IL1RAPL2: variants seen among roughly 807,000 people sequenced by gnomAD.
IL1RAPL2 encodes X-linked interleukin-1 receptor accessory protein-like 2.
Under a neutral mutation model 44.1 loss-of-function variants are expected in IL1RAPL2, and 3 were observed. The ratio of observed to expected loss-of-function variants is 0.07; its 90% CI spans 0.03 to 0.18. IL1RAPL2 has a LOEUF of 0.18. Ranked by LOEUF, IL1RAPL2 falls within the 10% of genes least tolerant of loss-of-function variation. The probability of loss-of-function intolerance (pLI) is 1.00; values close to 1 mark genes in which losing one functional copy is unlikely to be tolerated. For missense variants in IL1RAPL2, 391 were observed against 496.4 expected (o/e 0.79, Z 2.02); for synonymous variants, 181 against 178.8 (o/e 1.01, Z -0.10).
chrX:105,399,584 C>A (rs1242981348), intron 5 of IL1RAPL2, among the ~76,000 whole-genome samples: 1 of 110,978 alleles, frequency 9.0e-6, no homozygotes, highest in African/African-American at 3.3e-5. Context: ...CAAAGTCTGG[C>A]ATATAATAAA....
intron 6 of IL1RAPL2, among the ~76,000 whole-genome samples, chrX:105,665,344 CGTGTGTGTGTGTGTGTGT>C (rs58453498): frequency 3.0e-5 from 3 of 98,538 alleles, no homozygotes; most frequent in Non-Finnish European, 6.2e-5. Flanking sequence ...TATGCGCGTG[CGTGTGTGTGTGTGTGTGT>C]GTGTGTGTGT....
Position 105,670,123 on chromosome X carries a change from ATATATATATATATATATATATAT to A in IL1RAPL2, c.773-47243_773-47221del, listed in dbSNP as rs1397481799. Among the ~76,000 whole-genome samples, 10 of 45,913 alleles carry A rather than the reference ATATATATATATATATATATATAT, an allele frequency of 2.2e-4. 1 individual carries two copies. Among genetic ancestry groups the A allele is most frequent in the South Asian group, 1.0e-3 (1 of 958 alleles). The allele number at this position is 45,913 out of a possible 115,157, so 39.9% of individuals were successfully genotyped here. On this transcript the variant is annotated intron_variant, in intron 6 of 10. Coordinates refer to ENST00000372582, the MANE Select transcript of IL1RAPL2 (RefSeq NM_017416.2). ...GTTTCCTGTATATATATATATATAT[ATATATATATATATATATATATAT>A]ATCTCCACCAGACCACACAGTCTTG... is the stretch of plus-strand genomic sequence containing the variant.
chrX:105,368,231 G>T (rs2035310726), intron 5 of IL1RAPL2, among the ~76,000 whole-genome samples: 1 of 110,845 alleles, frequency 9.0e-6, no homozygotes, highest in South Asian at 3.8e-4. Context: ...GGCTTCCTTG[G>T]TTTCTCTCTC....
chrX:105,088,862 C>G (rs909003608), intron 2 of IL1RAPL2, among the ~76,000 whole-genome samples: 2 of 111,422 alleles, frequency 1.8e-5, no homozygotes, highest in African/African-American at 6.5e-5. Context: ...TTGAGTAGCA[C>G]TAGATTAGCA....
At chrX:105,506,407 T>G (rs891001617) in intron 6 of IL1RAPL2, among the ~76,000 whole-genome samples, 1 of 111,271 alleles carries the variant, frequency 9.0e-6, no homozygotes, top group African/African-American at 3.3e-5. Context: ...TGCTGACCTT[T>G]GACAGAAGCA....
At chrX:104,792,158 G>A (rs1184741108) in intron 2 of IL1RAPL2, among the ~76,000 whole-genome samples, 1 of 110,849 alleles carries the variant, frequency 9.0e-6, no homozygotes, top group Non-Finnish European at 1.9e-5. Context: ...GAAAGAGGAA[G>A]GGACTAGCCT....
intron 1 of IL1RAPL2, among the ~76,000 whole-genome samples, chrX:104,619,021 T>C (rs1929333670): frequency 8.9e-6 from 1 of 111,911 alleles, no homozygotes; most frequent in Non-Finnish European, 1.9e-5. Context: ...GCTGCAAGTG[T>C]CACTGTCCAG....
chrX:105,083,472 A>C (rs1251313453), intron 2 of IL1RAPL2, among the ~76,000 whole-genome samples: 1 of 111,217 alleles, frequency 9.0e-6, no homozygotes, highest in South Asian at 3.9e-4. Context: ...ATAGTTGTCA[A>C]GTATCTACTT....
At chrX:105,120,004 G>A (rs1394488374) in intron 2 of IL1RAPL2, among the ~76,000 whole-genome samples, 3 of 109,322 alleles carry the variant, frequency 2.7e-5, no homozygotes, top group Non-Finnish European at 1.9e-5. Context: ...TTACTGATGG[G>A]AAAATTTAGG....
intron 5 of IL1RAPL2, among the ~76,000 whole-genome samples, chrX:105,346,309 C>T (rs1294973718): frequency 9.0e-6 from 1 of 111,520 alleles, no homozygotes; most frequent in African/African-American, 3.3e-5. Flanking sequence ...TTTGAACACA[C>T]AATGTAGTGG....
chrX:104,636,968 T>A (rs137943321), intron 1 of IL1RAPL2, among the ~76,000 whole-genome samples: 1,351 of 111,638 alleles, frequency 0.012, 28 homozygotes, highest in African/African-American at 0.041. Context: ...GCTCTTCCTA[T>A]TCGGCCATCT....
chrX:105,646,047 C>T (rs1295082037), intron 6 of IL1RAPL2, among the ~76,000 whole-genome samples: 2 of 111,488 alleles, frequency 1.8e-5, no homozygotes, highest in Non-Finnish European at 3.8e-5. Flanking sequence ...ATCCCATACT[C>T]GGTACCCAGA....
intron 5 of IL1RAPL2, among the ~76,000 whole-genome samples, chrX:105,341,953 T>G (rs1449654947): frequency 9.1e-6 from 1 of 109,360 alleles, no homozygotes; most frequent in South Asian, 4.1e-4. Flanking sequence ...ATGTGGCACA[T>G]ATACACCATG....
intron 2 of IL1RAPL2, among the ~76,000 whole-genome samples, chrX:105,130,613 T>C (rs2033017863): frequency 9.0e-6 from 1 of 111,479 alleles, no homozygotes; most frequent in Admixed American, 9.6e-5. Flanking sequence ...AATGCGAGTT[T>C]AGCATAAGAA....
intron 2 of IL1RAPL2, among the ~76,000 whole-genome samples, chrX:105,114,295 C>G (rs1160350657): frequency 8.9e-6 from 1 of 111,958 alleles, no homozygotes; most frequent in East Asian, 2.8e-4. Flanking sequence ...TCTTGGACTT[C>G]CCAACCTGCC....
intron 2 of IL1RAPL2, among the ~76,000 whole-genome samples, chrX:105,079,097 C>T (rs1466984402): frequency 8.9e-6 from 1 of 112,157 alleles, no homozygotes; most frequent in East Asian, 2.8e-4. Context: ...GTTGGAAATG[C>T]AGAAATCACC....
At chrX:105,055,537 C>T (rs1361964372) in intron 2 of IL1RAPL2, among the ~76,000 whole-genome samples, 1 of 111,234 alleles carries the variant, frequency 9.0e-6, no homozygotes. Flanking sequence ...TTTTGATTGG[C>T]AAAAAATAAA....
chrX:104,730,469 G>A (rs1467304140), intron 2 of IL1RAPL2, among the ~76,000 whole-genome samples: 43 of 100,550 alleles, frequency 4.3e-4, no homozygotes, highest in Non-Finnish European at 6.9e-4. Context: ...GAGAACATGT[G>A]GTGTTTGGTT....
At chrX:104,888,690 A>G (rs1923329590) in intron 2 of IL1RAPL2, among the ~76,000 whole-genome samples, 1 of 111,106 alleles carries the variant, frequency 9.0e-6, no homozygotes, top group Non-Finnish European at 1.9e-5. Context: ...GTATCTCTCT[A>G]TCAACTTCTG....
Sources: allele counts gnomAD v4.1 joint callset (sites outside exome capture counted in the v4.1 genomes callset), GRCh38; gene constraint gnomAD v4.1.1; transcripts MANE v1.5; gene names NCBI Gene and HGNC (gene_info 2026-07-23, HGNC 2026-07-21).